The following ULK4 variants were observed in gnomAD, a reference collection of about 807,000 sequenced individuals.
ULK4 encodes the protein unc-51 like kinase 4, also known as inactive serine/threonine-protein kinase ULK4.
Under a neutral mutation model 160.6 loss-of-function variants are expected in ULK4, and 133 were observed. The observed-to-expected ratio is 0.83, with a 90% CI of 0.72 to 0.96. The LOEUF is 0.96. Among genes scored for constraint, ULK4 ranks in the 40% least tolerant of loss-of-function variants. ULK4 has a pLI of 0.00. For synonymous variants in ULK4, 534 were observed against 539.8 expected (o/e 0.99, Z 0.15); for missense variants, 1,580 against 1,499.5 (o/e 1.05, Z -0.89).
At chr3:41,605,271 G>T (rs957937475) in intron 31 of ULK4, among the ~76,000 whole-genome samples, 1 of 151,744 alleles carries the variant, frequency 6.6e-6, no homozygotes, top group Non-Finnish European at 1.5e-5. Flanking sequence ...ATCAAAAATT[G>T]TATTAAATAA....
chr3:41,776,886 T>C (rs2039649766), intron 21 of ULK4, among the ~76,000 whole-genome samples: 1 of 67,776 alleles, frequency 1.5e-5, no homozygotes, highest in Non-Finnish European at 2.8e-5. Flanking sequence ...AAATTCTCTT[T>C]TTTGGTTGTG....
intron 18 of ULK4, among the ~76,000 whole-genome samples, chr3:41,830,329 T>G (rs1352616871): frequency 6.6e-6 from 1 of 151,882 alleles, no homozygotes; most frequent in Non-Finnish European, 1.5e-5. Context: ...AAAATTACTC[T>G]CTATATCTAC....
At chr3:41,453,748 T>G (rs1239397157) in intron 34 of ULK4, among the ~76,000 whole-genome samples, 3 of 152,190 alleles carry the variant, frequency 2.0e-5, no homozygotes, top group Non-Finnish European at 4.4e-5. Context: ...TATTGTTCAC[T>G]TTATTTCTTA....
rs952219693 is a variant in ULK4 at position 41,388,678 on chromosome 3, T to C, written c.3678+9401A>G. 1.4e-3 allele frequency among the ~76,000 whole-genome samples: 211 copies of C among 152,160 alleles called. 1 individual carries two copies. Among genetic ancestry groups the C allele is most frequent in the African/African-American group, 4.8e-3 (199 of 41,446 alleles). On this transcript the variant is annotated intron_variant, in intron 35 of 36. Coordinates refer to ENST00000301831, the MANE Select transcript of ULK4 (RefSeq NM_017886.4). Reference sequence around the variant, plus strand: ...TTTGTCAGGTTTGTCAAAGATCAGATAGTTGTAGATATGCGGCATTATTTC... The same window carrying C: ...TTTGTCAGGTTTGTCAAAGATCAGACAGTTGTAGATATGCGGCATTATTTC...
At chr3:41,267,283 G>A (rs1398951744) in intron 35 of ULK4, among the ~76,000 whole-genome samples, 3 of 152,066 alleles carry the variant, frequency 2.0e-5, no homozygotes, top group African/African-American at 7.2e-5. Context: ...CTGTTCCTGT[G>A]TTAGTTTGCT....
chr3:41,884,504 T>C (rs1697646578), intron 16 of ULK4, among the ~76,000 whole-genome samples: 1 of 152,220 alleles, frequency 6.6e-6, no homozygotes, highest in Non-Finnish European at 1.5e-5. Context: ...AGTGGATAAA[T>C]TACTATTAAA....
intron 32 of ULK4, among the ~76,000 whole-genome samples, chr3:41,491,607 C>A (rs1366763240): frequency 6.6e-6 from 1 of 151,886 alleles, no homozygotes; most frequent in African/African-American, 2.4e-5. Context: ...ATCCTACTCC[C>A]ACAACTTATA....
chr3:41,611,166 G>A (rs923408170), intron 31 of ULK4, among the ~76,000 whole-genome samples: 1 of 152,154 alleles, frequency 6.6e-6, no homozygotes, highest in Non-Finnish European at 1.5e-5. Flanking sequence ...GCCTTAGTGC[G>A]GTACACCGTG....
At chr3:41,528,444 G>A (rs1017527325) in intron 32 of ULK4, among the ~76,000 whole-genome samples, 1 of 152,042 alleles carries the variant, frequency 6.6e-6, no homozygotes, top group Non-Finnish European at 1.5e-5. Context: ...AATGTTTTGG[G>A]AACTATAGCA....
intron 21 of ULK4, among the ~76,000 whole-genome samples, chr3:41,787,245 C>A (rs2040023114): frequency 6.6e-6 from 1 of 152,216 alleles, no homozygotes; most frequent in East Asian, 1.9e-4. Flanking sequence ...GGGCTTTCAT[C>A]CCAACCCAAC....
chr3:41,603,310 T>C (rs576750608), intron 31 of ULK4, among the ~76,000 whole-genome samples: 2 of 152,102 alleles, frequency 1.3e-5, no homozygotes, highest in East Asian at 3.9e-4. Flanking sequence ...TAAATATGTA[T>C]GAAACAAGCA....
intron 32 of ULK4, among the ~76,000 whole-genome samples, chr3:41,467,109 G>A (rs536110553): frequency 6.6e-6 from 1 of 152,078 alleles, no homozygotes; most frequent in Non-Finnish European, 1.5e-5. Flanking sequence ...AAAACAGTTG[G>A]CATTTTTAAA....
At chr3:41,541,718 T>C (rs2086702857) in intron 32 of ULK4, among the ~76,000 whole-genome samples, 1 of 152,178 alleles carries the variant, frequency 6.6e-6, no homozygotes, top group Non-Finnish European at 1.5e-5. Flanking sequence ...CAGTGGTTTG[T>C]AGTTCTCCTT....
chr3:41,494,583 A>C (rs1172269616), intron 32 of ULK4, among the ~76,000 whole-genome samples: 2 of 152,046 alleles, frequency 1.3e-5, no homozygotes, highest in East Asian at 3.9e-4. Context: ...TGGCCAGGAC[A>C]ATTAGGCAGG....
intron 35 of ULK4, among the ~76,000 whole-genome samples, chr3:41,339,767 C>G (rs1290025367): frequency 6.6e-6 from 1 of 152,122 alleles, no homozygotes; most frequent in African/African-American, 2.4e-5. Context: ...GAAAAACATC[C>G]CTTTCTAAAG....
In ULK4 at chr3:41,457,444, G is replaced by A. The variant is rs576090152; in HGVS notation, c.3394-1849C>T. Among the ~76,000 whole-genome samples, 15 of 152,278 alleles carry A rather than the reference G, an allele frequency of 9.9e-5. No homozygotes were observed. The East Asian group carries it at 2.7e-3, about 27-fold the overall frequency. On this transcript the variant is annotated intron_variant, in intron 33 of 36. Coordinates refer to ENST00000301831, the MANE Select transcript of ULK4 (RefSeq NM_017886.4). ...CCTTGCAAAGTTGCCAAGAGTTCCA[G>A]AAGAAAGAGAAGGCTACAGCTTTGC... is the stretch of plus-strand genomic sequence containing the variant.
chr3:41,872,630 T>C (rs775515858), intron 17 of ULK4, among the ~76,000 whole-genome samples: 1 of 147,826 alleles, frequency 6.8e-6, no homozygotes, highest in African/African-American at 2.6e-5. Flanking sequence ...CTTTTGTTTT[T>C]ATATTCCATC....
intron 21 of ULK4, among the ~76,000 whole-genome samples, chr3:41,782,866 T>C (rs1264851509): frequency 6.6e-6 from 1 of 152,198 alleles, no homozygotes; most frequent in Non-Finnish European, 1.5e-5. Flanking sequence ...AAGAGGACTG[T>C]AGGAATGAAT....
At position 41,249,476 on chromosome 3, in the gene ULK4, G is replaced by T. The variant is rs768953499; in HGVS notation, c.3764+13C>A. ...TCTAGAGCAGACTGCTGATCCTCCTGGGTCCCACTTACCCACTCCCAGGGG... is the reference window on the plus strand; with the variant it reads ...TCTAGAGCAGACTGCTGATCCTCCTTGGTCCCACTTACCCACTCCCAGGGG... On this transcript the variant is annotated intron_variant, in intron 36 of 36. Coordinates refer to ENST00000301831, the MANE Select transcript of ULK4 (RefSeq NM_017886.4). 7.4e-6 allele frequency: 12 copies of T among 1,611,266 alleles called. No homozygotes were observed. The highest frequency in any genetic ancestry group is 1.0e-5 in the Non-Finnish European group (12 of 1,178,580).
Sources: allele counts gnomAD v4.1 joint callset (sites outside exome capture counted in the v4.1 genomes callset), GRCh38; gene constraint gnomAD v4.1.1; transcripts MANE v1.5; gene names NCBI Gene and HGNC (gene_info 2026-07-23, HGNC 2026-07-21).